The following FHIT variants were observed in gnomAD, a reference collection of about 807,000 sequenced individuals.
FHIT encodes bis(5'-adenosyl)-triphosphatase.
FHIT carries 19 observed loss-of-function variants against 17.9 expected under a neutral mutation model. The observed-to-expected ratio is 1.06, with a 90% confidence interval of 0.74 to 1.56. FHIT has a LOEUF of 1.56. FHIT is among the 40% of genes most tolerant of loss of function. The pLI is 0.00. For missense variants in FHIT, 248 were observed against 189.2 expected (o/e 1.31, Z -1.82); for synonymous variants, 81 against 69.7 (o/e 1.16, Z -0.81).
In FHIT at chr3:61,073,785, T is replaced by C. The variant is rs148718616; in HGVS notation, c.-163-31686A>G. On this transcript the variant is annotated intron_variant, in intron 2 of 9. Transcript: ENST00000492590. Reference sequence around the variant, plus strand: ...GCATTTCCAGTTAATGGCATGACTGTAATGACTAGCAATTTAAATAATAGA... The same window carrying C: ...GCATTTCCAGTTAATGGCATGACTGCAATGACTAGCAATTTAAATAATAGA... Among the ~76,000 whole-genome samples, 1,393 of 152,252 alleles carry C rather than the reference T, an allele frequency of 9.1e-3. 25 individuals carry two copies. Among genetic ancestry groups the C allele is most frequent in the African/African-American group, 0.032 (1,349 of 41,544 alleles).
chr3:60,237,669 G>T (rs1043370312), intron 5 of FHIT, among the ~76,000 whole-genome samples: 1 of 152,114 alleles, frequency 6.6e-6, no homozygotes, highest in African/African-American at 2.4e-5. Flanking sequence ...TTAAGAAACT[G>T]CCCCATACTT....
chr3:60,903,494 T>C (rs1281364569), intron 3 of FHIT, among the ~76,000 whole-genome samples: 1 of 152,250 alleles, frequency 6.6e-6, no homozygotes, highest in Non-Finnish European at 1.5e-5. Flanking sequence ...TGCACACTTC[T>C]AAGTTAGATG....
intron 3 of FHIT, among the ~76,000 whole-genome samples, chr3:61,009,996 A>G (rs1472728644): frequency 1.3e-5 from 2 of 152,184 alleles, no homozygotes; most frequent in African/African-American, 2.4e-5. Flanking sequence ...ATTTACATTA[A>G]CAATCTTTCA....
chr3:59,806,690 ACATATG>A (rs1700216132), intron 8 of FHIT, among the ~76,000 whole-genome samples: 1 of 7,904 alleles, frequency 1.3e-4, no homozygotes, highest in African/African-American at 4.2e-4. Context: ...ATATGTATAT[ACATATG>A]TATATATGTG....
intron 5 of FHIT, chr3:60,077,590 T>C (rs940404331): frequency 8.0e-5 from 12 of 150,276 alleles, no homozygotes; most frequent in South Asian, 2.1e-4. Context: ...TGAACCAGAA[T>C]GAAGGGATTC....
chr3:59,783,938 C>T (rs1449642626), intron 8 of FHIT, among the ~76,000 whole-genome samples: 1 of 152,134 alleles, frequency 6.6e-6, no homozygotes, highest in East Asian at 1.9e-4. Flanking sequence ...ATTTCTGAGT[C>T]ATGTGAATGA....
chr3:60,506,914 C>T (rs1431218618), intron 5 of FHIT, among the ~76,000 whole-genome samples: 2 of 152,100 alleles, frequency 1.3e-5, no homozygotes, highest in Non-Finnish European at 2.9e-5. Flanking sequence ...GATATACTAT[C>T]CCTAAGTCTT....
chr3:61,097,540 A>G (rs1222524533), intron 2 of FHIT, among the ~76,000 whole-genome samples: 2 of 152,110 alleles, frequency 1.3e-5, no homozygotes, highest in Non-Finnish European at 2.9e-5. Context: ...GTCTTCCACA[A>G]TGGTTGAACT....
intron 5 of FHIT, among the ~76,000 whole-genome samples, chr3:60,378,920 G>A (rs925935370): frequency 2.6e-5 from 4 of 152,200 alleles, no homozygotes; most frequent in Non-Finnish European, 5.9e-5. Context: ...GCACTAACAA[G>A]GAGGAGAATA....
chr3:60,207,472 CTGTT>C (rs1456796807), intron 5 of FHIT, among the ~76,000 whole-genome samples: 1 of 151,904 alleles, frequency 6.6e-6, no homozygotes, highest in Non-Finnish European at 1.5e-5. Flanking sequence ...AAACCTAATC[CTGTT>C]TGTTCTGAAT....
intron 4 of FHIT, among the ~76,000 whole-genome samples, chr3:60,779,973 C>A (rs374520773): frequency 1.3e-5 from 2 of 152,332 alleles, no homozygotes; most frequent in African/African-American, 4.8e-5. Flanking sequence ...CTAGGCCCCC[C>A]TGCTTCATGG....
intron 5 of FHIT, among the ~76,000 whole-genome samples, chr3:60,446,186 A>G (rs989670893): frequency 3.3e-5 from 5 of 152,060 alleles, no homozygotes; most frequent in African/African-American, 7.2e-5. Context: ...AAAAAATCCA[A>G]TTCTGATAAT....
At chr3:60,289,841 T>C (rs1305373805) in intron 5 of FHIT, among the ~76,000 whole-genome samples, 1 of 152,008 alleles carries the variant, frequency 6.6e-6, no homozygotes, top group Non-Finnish European at 1.5e-5. Flanking sequence ...ATTCAGCAGA[T>C]ATACAAACTA....
intron 5 of FHIT, among the ~76,000 whole-genome samples, chr3:60,509,795 A>C (rs1559501764): frequency 6.6e-6 from 1 of 152,202 alleles, no homozygotes; most frequent in South Asian, 2.1e-4. Context: ...AAACTACCCA[A>C]TAAGTCTCTT....
Position 60,091,318 on chromosome 3 carries a change from G to C in FHIT, c.104-77166C>G, listed in dbSNP as rs575378781. ...TTGAAGAAGATTTATAAAGAGGAAG[G>C]GTCTTTGGTTTATTGACAAGAAAGT... On this transcript the variant is annotated intron_variant, in intron 5 of 9. Transcript: ENST00000492590. Among the ~76,000 whole-genome samples, 8 of 152,260 alleles carry C rather than the reference G, an allele frequency of 5.3e-5. 1 individual carries two copies. Among genetic ancestry groups the C allele is most frequent in the Non-Finnish European group, 1.2e-4 (8 of 68,020 alleles).
At chr3:60,090,893 T>C (rs1025654567) in intron 5 of FHIT, among the ~76,000 whole-genome samples, 8 of 152,124 alleles carry the variant, frequency 5.3e-5, no homozygotes, top group Non-Finnish European at 1.0e-4. Context: ...AAGGTGGAAG[T>C]GAAGGAAGTC....
At chr3:61,101,394 G>GAAT (rs2035821699) in intron 2 of FHIT, among the ~76,000 whole-genome samples, 1 of 152,090 alleles carries the variant, frequency 6.6e-6, no homozygotes, top group Non-Finnish European at 1.5e-5. Flanking sequence ...TATTTCTGGG[G>GAAT]CTCTGTTCTA....
chr3:60,469,163 G>A (rs1263351965), intron 5 of FHIT, among the ~76,000 whole-genome samples: 1 of 152,034 alleles, frequency 6.6e-6, no homozygotes. Context: ...TCTGCTTAGT[G>A]TTCTATTACC....
chr3:60,699,798 G>T (rs112540033), intron 4 of FHIT, among the ~76,000 whole-genome samples: 2 of 129,996 alleles, frequency 1.5e-5, no homozygotes, highest in Admixed American at 1.5e-4. Flanking sequence ...CACACAATGA[G>T]AAAAATCATT....
Sources: allele counts gnomAD v4.1 joint callset (sites outside exome capture counted in the v4.1 genomes callset), GRCh38; gene constraint gnomAD v4.1.1; transcripts MANE v1.5; gene names NCBI Gene and HGNC (gene_info 2026-07-23, HGNC 2026-07-21).